TCF7L2: variants seen among roughly 807,000 people sequenced by gnomAD.
TCF7L2 encodes transcription factor 7 like 2.
Under a neutral mutation model 77.9 loss-of-function variants are expected in TCF7L2, and 23 were observed. The ratio of observed to expected loss-of-function variants is 0.30; its 90% confidence interval spans 0.21 to 0.42. The LOEUF is 0.42. Ranked by LOEUF, TCF7L2 falls within the 10% of genes least tolerant of loss-of-function variation. The pLI, the probability that TCF7L2 is intolerant of heterozygous loss-of-function variation, is 1.00. For missense variants in TCF7L2, 654 were observed against 793.1 expected, an observed-to-expected ratio of 0.82 and a Z score of 2.11; for synonymous variants, 413 against 340.2, an observed-to-expected ratio of 1.21 and a Z score of -2.36.
chr10:113,129,401 A>G, intron 5 of TCF7L2: 1 of 995,776 alleles, frequency 1.0e-6, no homozygotes, highest in South Asian at 4.4e-5. Flanking sequence ...GACTTTGCTG[A>G]GGTGCCCTGA....
intron 5 of TCF7L2, chr10:113,129,969 C>G: frequency 7.8e-7 from 1 of 1,286,134 alleles, no homozygotes; most frequent in Non-Finnish European, 1.0e-6. Flanking sequence ...GCGGTTGGCA[C>G]CTCAATTTGA....
intron 5 of TCF7L2, chr10:113,130,133 C>A: frequency 1.5e-6 from 1 of 651,902 alleles, no homozygotes; most frequent in Non-Finnish European, 2.0e-6. Context: ...AATAAATGGT[C>A]AACTCAAGCT....
In TCF7L2 at chr10:113,141,173, C is replaced by T. The variant is rs776577329; in HGVS notation, c.553-11C>T. Reference sequence around the variant, plus strand: ...GCTTGACGGTGTCTTTCTCTGTTCTCCTCCCCACAGTCTAACAAAGTGCCA... The same window carrying T: ...GCTTGACGGTGTCTTTCTCTGTTCTTCTCCCCACAGTCTAACAAAGTGCCA... On this transcript the variant is annotated splice_polypyrimidine_tract_variant and intron_variant, in intron 5 of 13. Transcript: ENST00000627217. 1.2e-6 allele frequency: 2 copies of T among 1,613,766 alleles called. No individual in the cohort carries two copies. Among genetic ancestry groups the T allele is most frequent in the South Asian group, 1.1e-5 (1 of 90,998 alleles).
intron 5 of TCF7L2, among the ~76,000 whole-genome samples, chr10:113,047,835 T>C (rs1175553694): frequency 1.3e-5 from 2 of 152,180 alleles, no homozygotes; most frequent in African/African-American, 4.8e-5. Flanking sequence ...TGGCAGCCTC[T>C]CAAATCAGCT....
chr10:113,059,884 C>T (rs1439073504), intron 5 of TCF7L2, among the ~76,000 whole-genome samples: 1 of 152,154 alleles, frequency 6.6e-6, no homozygotes, highest in African/African-American at 2.4e-5. Context: ...CATTCACTTC[C>T]ATATTTCTGC....
chr10:113,034,424 T>G (rs975631028), intron 4 of TCF7L2, among the ~76,000 whole-genome samples: 2 of 152,186 alleles, frequency 1.3e-5, no homozygotes, highest in Non-Finnish European at 2.9e-5. Flanking sequence ...GCCACCTTGA[T>G]GCGGAGGAGG....
intron 3 of TCF7L2, among the ~76,000 whole-genome samples, 169 bp from the exon 4 acceptor site, chr10:112,964,384 ATTG>A (rs1331781421): frequency 6.6e-6 from 1 of 152,126 alleles, no homozygotes; most frequent in African/African-American, 2.4e-5. Context: ...TTTACCTTAG[ATTG>A]TTATGATCAT....
chr10:112,998,091 T>C (rs1279738871), intron 4 of TCF7L2, among the ~76,000 whole-genome samples: 1 of 151,706 alleles, frequency 6.6e-6, no homozygotes, highest in Non-Finnish European at 1.5e-5. Flanking sequence ...GGGCCCAGGT[T>C]CTGGTCCTAC....
intron 4 of TCF7L2, among the ~76,000 whole-genome samples, chr10:112,964,968 T>A (rs998674103): frequency 1.3e-5 from 2 of 152,152 alleles, no homozygotes; most frequent in Non-Finnish European, 2.9e-5. Context: ...AGACCCCAGC[T>A]TGACTACTGT....
chr10:112,960,850 G>A (rs1160588409), intron 3 of TCF7L2, among the ~76,000 whole-genome samples: 4 of 151,900 alleles, frequency 2.6e-5, no homozygotes, highest in Non-Finnish European at 4.4e-5. Context: ...ACCATGCTGG[G>A]CTAATTTTAT....
At chr10:112,981,699 C>T (rs1218038627) in intron 4 of TCF7L2, among the ~76,000 whole-genome samples, 2 of 152,196 alleles carry the variant, frequency 1.3e-5, no homozygotes, top group Non-Finnish European at 2.9e-5. Context: ...CCACATGCCA[C>T]ATGCAAAGCA....
intron 3 of TCF7L2, among the ~76,000 whole-genome samples, chr10:112,956,718 C>G (rs1049641862): frequency 6.6e-6 from 1 of 152,146 alleles, no homozygotes; most frequent in Admixed American, 6.5e-5. Context: ...GTGCCCCAGT[C>G]TTTTTGCTGG....
Position 112,951,187 on chromosome 10 carries a change from A to T in TCF7L2, c.190-20A>T. Reference sequence around the variant, plus strand: ...GTGGCGTTTGCCCCTCGCCCTCCCCACCTCCACCCCTCTGGGAAGGCGGAA... The same window carrying T: ...GTGGCGTTTGCCCCTCGCCCTCCCCTCCTCCACCCCTCTGGGAAGGCGGAA... On this transcript the variant is annotated intron_variant, in intron 1 of 13. Coordinates refer to ENST00000627217, the MANE Select transcript of TCF7L2 (RefSeq NM_001146274.2). 1 of 1,463,166 alleles carries T rather than the reference A, an allele frequency of 6.8e-7. No homozygotes were observed. The highest frequency in any genetic ancestry group is 2.6e-5 in the East Asian group (1 of 38,552). The allele number at this position is 1,463,166 out of a possible 1,614,324, so 90.6% of individuals were successfully genotyped here.
At chr10:113,150,946 C>A (rs1564967973) in intron 8 of TCF7L2, 52 bp from the exon 9 acceptor site, 2 of 1,611,192 alleles carry the variant, frequency 1.2e-6, no homozygotes, top group Non-Finnish European at 1.7e-6. Flanking sequence ...ACACATCCCT[C>A]CTCATTCATT....
At chr10:112,999,455 G>A (rs2044090316) in intron 4 of TCF7L2, among the ~76,000 whole-genome samples, 1 of 152,176 alleles carries the variant, frequency 6.6e-6, no homozygotes, top group Non-Finnish European at 1.5e-5. Flanking sequence ...TTAGCTTGGT[G>A]CCTTTCTTCT....
chr10:113,011,453 T>A (rs2046434628), intron 4 of TCF7L2, among the ~76,000 whole-genome samples: 1 of 152,180 alleles, frequency 6.6e-6, no homozygotes, highest in Admixed American at 6.5e-5. Flanking sequence ...AAATGTAGAT[T>A]CTGATATCAG....
intron 4 of TCF7L2, among the ~76,000 whole-genome samples, chr10:113,023,270 G>C (rs940313274): frequency 4.6e-5 from 7 of 152,184 alleles, no homozygotes; most frequent in African/African-American, 1.7e-4. Flanking sequence ...TGGGATGACT[G>C]TGTATTCACC....
intron 5 of TCF7L2, among the ~76,000 whole-genome samples, chr10:113,100,609 T>C (rs548442135): frequency 6.6e-6 from 1 of 152,260 alleles, no homozygotes; most frequent in African/African-American, 2.4e-5. Context: ...ATTTATGGGC[T>C]TAGAATTCCA....
intron 4 of TCF7L2, among the ~76,000 whole-genome samples, chr10:113,010,474 C>T (rs2046272255): frequency 6.6e-6 from 1 of 152,152 alleles, no homozygotes; most frequent in Admixed American, 6.5e-5. Context: ...CCTATGCGTT[C>T]TGTGCCGAAC....
Sources: allele counts gnomAD v4.1 joint callset (sites outside exome capture counted in the v4.1 genomes callset), GRCh38; gene constraint gnomAD v4.1.1; transcripts MANE v1.5; gene names NCBI Gene and HGNC (gene_info 2026-07-23, HGNC 2026-07-21).